The following DYNC1H1 variants were observed in gnomAD, a reference collection of about 807,000 sequenced individuals.
The protein encoded by DYNC1H1 is cytoplasmic dynein 1 heavy chain 1.
Under a neutral mutation model 527.1 loss-of-function variants are expected in DYNC1H1, and 51 were observed. The ratio of observed to expected loss-of-function variants is 0.10; its 90% CI spans 0.08 to 0.12. The LOEUF (loss-of-function observed/expected upper bound fraction) is 0.12, where lower values mean the gene tolerates loss of function less well. Ranked by LOEUF, DYNC1H1 falls within the 10% of genes least tolerant of loss-of-function variation. DYNC1H1 has a pLI of 1.00. For missense variants in DYNC1H1, 2,771 were observed against 5,971.8 expected (o/e 0.46, Z 17.66); for synonymous variants, 2,189 against 2,278.8 (o/e 0.96, Z 1.12).
chr14:101,973,918 T>A (rs756570392), intron 1 of DYNC1H1, among the ~76,000 whole-genome samples: 2 of 152,200 alleles, frequency 1.3e-5, no homozygotes, highest in African/African-American at 2.4e-5. Context: ...CCAGGTTTCA[T>A]AGTTTTTAGT....
intron 69 of DYNC1H1, chr14:102,043,529 T>C: frequency 2.7e-6 from 1 of 368,390 alleles, no homozygotes; most frequent in South Asian, 2.2e-5. Flanking sequence ...AGGCGCCAAG[T>C]GAAGACCGAA....
rs1375976331 is a variant in DYNC1H1, at chr14:102,017,736, G to T, written c.8177+232G>T. ...AATCCCAGCACTTTGGGAGGCCGAG[G>T]CGGGCGGATCACGAGGTCAGGAGAT... On this transcript the variant is annotated intron_variant, in intron 40 of 77. Coordinates refer to ENST00000360184, the MANE Select transcript of DYNC1H1 (RefSeq NM_001376.5). The surrounding 1 kb of genome is among the most constrained non-coding windows in gnomAD (Gnocchi z 4.6). 3 of 676,322 alleles carry T rather than the reference G, an allele frequency of 4.4e-6. No individual in the cohort carries two copies. Among genetic ancestry groups the T allele is most frequent in the Non-Finnish European group, 7.2e-6 (3 of 418,452 alleles). The allele number at this position is 676,322 out of a possible 1,614,324, so 41.9% of individuals were successfully genotyped here.
Position 102,015,711 on chromosome 14 carries a change from G to A in DYNC1H1, c.7243-145G>A, listed in dbSNP as rs2048312373. 14 of 939,104 alleles carry A rather than the reference G, an allele frequency of 1.5e-5. No individual in the cohort carries two copies. Among genetic ancestry groups the A allele is most frequent in the Non-Finnish European group, 2.1e-5 (13 of 609,240 alleles). 58.2% of individuals were successfully genotyped at this position (939,104 alleles called of 1,614,324 possible). A position where few individuals can be genotyped will look rare whatever the true frequency, so the allele number is the denominator to read the frequency against. On this transcript the variant is annotated intron_variant, in intron 35 of 77. Transcript: ENST00000360184. The surrounding 1 kb of genome is among the most constrained non-coding windows in gnomAD (Gnocchi z 6.9). ...AGCAGGGTTTTTGAGAACCACCAGGGTGAAGGAATGAGGACTGGTCATTGA... is the reference window on the plus strand; with the variant it reads ...AGCAGGGTTTTTGAGAACCACCAGGATGAAGGAATGAGGACTGGTCATTGA...
intron 10 of DYNC1H1, among the ~76,000 whole-genome samples, chr14:101,990,150 G>A (rs1404986739): frequency 1.3e-5 from 2 of 152,150 alleles, no homozygotes; most frequent in Admixed American, 1.3e-4. Context: ...CTGTTGTTAA[G>A]CAACACATGA....
chr14:102,048,659 G>C lies in DYNC1H1; in HGVS notation c.13362G>C (p.Glu4454Asp). 6.2e-7 allele frequency: 1 copy of C among 1,613,228 alleles called. No homozygotes were observed. Among genetic ancestry groups the C allele is most frequent in the Non-Finnish European group, 8.5e-7 (1 of 1,180,010 alleles). ...QTNYLRTLIN[E>D]LVKGILPRSW... is the part of the protein sequence containing the mutation. ...ACTACTTGCGCACGCTGATCAACGA[G>C]CTAGTGAAAGGTGCGTGAGAGGCCG... Residue 4454 changes from glutamate (E) to aspartate (D), a missense_variant, in exon 74 of 78, where the codon GAG becomes GAC. Glu to Asp is a conservative substitution (Grantham distance 45, BLOSUM62 2). Around this residue, in one of 32 missense-constraint regions of DYNC1H1, gnomAD observed 170 missense variants for 249.8 expected, o/e 0.68. Coordinates refer to ENST00000360184, the MANE Select transcript of DYNC1H1 (RefSeq NM_001376.5).
chr14:101,987,904 CCT>C lies in DYNC1H1; in HGVS notation c.2718+273_2718+274del, dbSNP rs1182485227. On this transcript the variant is annotated intron_variant, in intron 9 of 77. Transcript: ENST00000360184. ...ACCAGCCTGGGCAACATGGCAAGAC[CCT>C]GTCTCTACTATAAATACAAAAACTA... Among the ~76,000 whole-genome samples, 13 of 152,228 alleles carry C rather than the reference CCT, an allele frequency of 8.5e-5. No individual in the cohort carries two copies. The East Asian group carries it at 2.5e-3, about 29-fold the overall frequency.
intron 1 of DYNC1H1, among the ~76,000 whole-genome samples, chr14:101,974,637 T>G (rs1271514592): frequency 6.6e-6 from 1 of 152,216 alleles, no homozygotes; most frequent in African/African-American, 2.4e-5. Context: ...ATTTAGAAAT[T>G]TGGTTCACAT....
At chr14:101,970,042 A>G (rs1429606131) in intron 1 of DYNC1H1, among the ~76,000 whole-genome samples, 1 of 152,252 alleles carries the variant, frequency 6.6e-6, no homozygotes, top group Admixed American at 6.5e-5. Context: ...ATTTTGAGTT[A>G]GTAGTAACTT....
At chr14:102,009,734 G>A in intron 29 of DYNC1H1, 109 bp from the exon 30 acceptor site, 1 of 1,573,216 alleles carries the variant, frequency 6.4e-7, no homozygotes. Flanking sequence ...GTCTACTTCA[G>A]CTCCCTGGGA....
chr14:102,014,545 A>C (rs1308489213), intron 34 of DYNC1H1, among the ~76,000 whole-genome samples: 20 of 151,530 alleles, frequency 1.3e-4, no homozygotes, highest in Non-Finnish European at 2.4e-4. Context: ...AAAAAAAAAA[A>C]CACCAGAGAC....
intron 72 of DYNC1H1, 196 bp from the exon 73 acceptor site, chr14:102,047,619 ACG>A (rs1491243927): frequency 2.6e-5 from 10 of 391,630 alleles, no homozygotes; most frequent in African/African-American, 4.4e-5. Context: ...GTATATATAC[ACG>A]TGTGTGTGTG....
At chr14:102,028,190 T>A (rs2048471646) in intron 48 of DYNC1H1, 49 bp downstream of exon 48, 3 of 1,603,678 alleles carry the variant, frequency 1.9e-6, no homozygotes, top group African/African-American at 1.3e-5. Flanking sequence ...CTAACCATCA[T>A]GCTAATATAA....
chr14:101,967,242 G>A (rs1293038932), intron 1 of DYNC1H1, among the ~76,000 whole-genome samples: 2 of 152,032 alleles, frequency 1.3e-5, no homozygotes, highest in Non-Finnish European at 2.9e-5. Context: ...AGTTAGCTTT[G>A]GCATTTGTAC....
In DYNC1H1 at chr14:102,039,779, C is replaced by T. The variant is rs1282561852; in HGVS notation, c.11690+47C>T. 1 of 1,590,608 alleles carries T rather than the reference C, an allele frequency of 6.3e-7. No individual in the cohort carries two copies. Among genetic ancestry groups the T allele is most frequent in the African/African-American group, 1.3e-5 (1 of 74,542 alleles). On this transcript the variant is annotated intron_variant, in intron 62 of 77. Coordinates refer to ENST00000360184, the MANE Select transcript of DYNC1H1 (RefSeq NM_001376.5). The surrounding 1 kb of genome is among the most constrained non-coding windows in gnomAD (Gnocchi z 7.0). The stretch of plus-strand genomic sequence containing the variant: ...GGAGGATGCCATATTGCTGGTGGCC[C>T]CCAAGGGTTTCATGATCAGATACAT...
intron 5 of DYNC1H1, 136 bp from the exon 6 acceptor site, chr14:101,982,883 T>G: frequency 9.0e-7 from 1 of 1,116,388 alleles, no homozygotes; most frequent in Non-Finnish European, 1.3e-6. Flanking sequence ...TAACGTGTTG[T>G]TTTTTCAAAT....
chr14:101,993,787 T>G (rs2048025434), intron 11 of DYNC1H1, among the ~76,000 whole-genome samples: 1 of 152,170 alleles, frequency 6.6e-6, no homozygotes, highest in Non-Finnish European at 1.5e-5. Context: ...CCACCTGACA[T>G]TCTGTGTGTT....
chr14:101,998,888 T>TTGTTTTTTTTTTTTTGTTTG (rs2048097521), intron 16 of DYNC1H1, among the ~76,000 whole-genome samples: 5 of 145,848 alleles, frequency 3.4e-5, no homozygotes, highest in African/African-American at 1.3e-4. Flanking sequence ...TCTTTTTTTT[T>TTGTTTTTTTTTTTTTGTTTG]TTTTTTTTTT....
rs777866900 is a variant in DYNC1H1, at chr14:102,048,643, G to A, written c.13346G>A (p.Arg4449His). The A allele has an allele frequency of 1.9e-6, 3 of 1,613,658 alleles. No homozygotes were observed. Among genetic ancestry groups the A allele is most frequent in the Non-Finnish European group, 2.5e-6 (3 of 1,180,034 alleles). ...AAGAAGAAGCAGACCAACTACTTGC[G>A]CACGCTGATCAACGAGCTAGTGAAA... ...EGKKKQTNYL[R>H]TLINELVKGI... The change falls in exon 74 of 78, where the codon CGC becomes CAC. Residue 4449 changes from arginine (R) to histidine (H), a missense_variant. By Grantham distance (29) the Arg-to-His change is conservative. Transcript: ENST00000360184.
At position 101,965,252 on chromosome 14, in the gene DYNC1H1, C is replaced by T. The variant is rs1207816342; in HGVS notation, c.256+305C>T. ...GGGGAAAGGGGTCCCCGTCTGCCGT[C>T]ACCCAAAACAATGGGGTCGCTTTGT... On this transcript the variant is annotated intron_variant, in intron 1 of 77. Transcript: ENST00000360184. This position sits in a 1 kb window ranked among gnomAD's most constrained non-coding sequence, Gnocchi z 4.1. Among the ~76,000 whole-genome samples, 11 of 152,206 alleles carry T rather than the reference C, an allele frequency of 7.2e-5. No individual in the cohort carries two copies. Among genetic ancestry groups the T allele is most frequent in the Non-Finnish European group, 1.5e-5 (1 of 68,020 alleles).
Sources: gnomAD v4.1 joint callset for allele counts (sites outside exome capture counted in the v4.1 genomes callset) on GRCh38, gnomAD v4.1.1 for gene constraint, gnomAD v4.1.1 regional missense constraint, Gnocchi (gnomAD v3.1) non-coding constraint, MANE v1.5 for transcripts, NCBI Gene and HGNC (gene_info 2026-07-23, HGNC 2026-07-21) for gene names.